Variants in ZNF611 observed in about 807,000 individuals in gnomAD.
ZNF611 encodes the protein zinc finger protein 611.
A neutral mutation model predicts 8.9 loss-of-function variants in ZNF611; 6 were observed. The observed-to-expected ratio is 0.68, with a 90% CI of 0.37 to 1.34. The LOEUF is 1.34. Ranked by LOEUF, ZNF611 falls within the 40% of genes most tolerant of loss-of-function variation. The probability of loss-of-function intolerance (pLI) is 0.02; values close to 1 mark genes in which losing one functional copy is unlikely to be tolerated. For missense variants in ZNF611, 874 were observed against 841.3 expected, an observed-to-expected ratio of 1.04 and a Z score of -0.48; for synonymous variants, 262 against 279.7, an observed-to-expected ratio of 0.94 and a Z score of 0.63.
rs185739010 is a variant in ZNF611, at chr19:52,729,921, A to G, written c.-137T>C. 1.3e-5 allele frequency: 2 copies of G among 152,296 alleles called. No individual in the cohort carries two copies. The highest frequency in any genetic ancestry group is 4.8e-5 in the African/African-American group (2 of 41,554). The allele number at this position is 152,296 out of a possible 1,614,324, so 9.4% of individuals were successfully genotyped here. On this transcript the variant is annotated 5_prime_UTR_variant, in exon 2 of 6. Transcript: ENST00000652185. The stretch of plus-strand genomic sequence containing the variant: ...ACTGACTAACCATGTCGGAGGGTGC[A>G]ATTATGATGTCACAGGTACAGCTGC...
At chr19:52,734,193 T>G (rs987377048) in intron 1 of ZNF611, among the ~76,000 whole-genome samples, 1 of 151,602 alleles carries the variant, frequency 6.6e-6, no homozygotes, top group East Asian at 1.9e-4. Context: ...TTAGGTTTTT[T>G]TTTTTTTTTT....
intron 3 of ZNF611, among the ~76,000 whole-genome samples, chr19:52,725,378 A>G (rs147872762): frequency 6.6e-6 from 1 of 152,134 alleles, no homozygotes; most frequent in Admixed American, 6.5e-5. Context: ...GCTCCAGGGG[A>G]GGCCGACGGG....
chr19:52,716,410 CCTCGA>C (rs2062317610), intron 3 of ZNF611, among the ~76,000 whole-genome samples: 2 of 152,190 alleles, frequency 1.3e-5, no homozygotes, highest in Admixed American at 1.3e-4. Flanking sequence ...TTGCAAAATG[CCTCGA>C]CTCTAACGTG....
chr19:52,714,696 AAAC>A lies in ZNF611; in HGVS notation c.64-558_64-556del, dbSNP rs1376839442. Reference sequence around the variant, plus strand: ...GACTGACACTCCATCTCAAAAAACAAAACAAAACAAAACAAAAAAACAATGCCG... The same window carrying A: ...GACTGACACTCCATCTCAAAAAACAAAAAACAAAACAAAAAAACAATGCCG... On this transcript the variant is annotated intron_variant, in intron 4 of 5. Coordinates refer to ENST00000652185, the MANE Select transcript of ZNF611 (RefSeq NM_001161499.2). Among the ~76,000 whole-genome samples the A allele has an allele frequency of 1.4e-4, 10 of 71,172 alleles. 3 individuals are homozygous for A. The East Asian group carries it at 3.6e-3, about 25-fold the overall frequency. The allele number at this position is 71,172 out of a possible 152,430, so 46.7% of individuals were successfully genotyped here. A position where few individuals can be genotyped will look rare whatever the true frequency, so the allele number is the denominator to read the frequency against.
intron 3 of ZNF611, among the ~76,000 whole-genome samples, chr19:52,718,311 G>A (rs1600320353): frequency 6.6e-6 from 1 of 152,116 alleles, no homozygotes; most frequent in Non-Finnish European, 1.5e-5. Flanking sequence ...CTGCACACCA[G>A]CCTGGGTGAC....
At chr19:52,712,800 T>C (rs948059752) in intron 5 of ZNF611, among the ~76,000 whole-genome samples, 13 of 152,282 alleles carry the variant, frequency 8.5e-5, no homozygotes, top group African/African-American at 2.6e-4. Flanking sequence ...TTATTTATTA[T>C]AGTAAAGAGA....
At chr19:52,725,602 T>G (rs943442235) in intron 3 of ZNF611, among the ~76,000 whole-genome samples, 6 of 152,158 alleles carry the variant, frequency 3.9e-5, no homozygotes, top group Non-Finnish European at 8.8e-5. Flanking sequence ...CGTCTCAATT[T>G]GCTCTGGGTG....
rs367817920 is a variant in ZNF611, at chr19:52,705,519, A to G, written c.1536T>C (p.Cys512=). The G allele has an allele frequency of 2.5e-6, 4 of 1,614,060 alleles. No individual in the cohort carries two copies. Among genetic ancestry groups the G allele is most frequent in the Admixed American group, 3.3e-5 (2 of 60,016 alleles). ...GACTGAAAACCTTTTCACATTCATC[A>G]CATTTGTAAGGTTGCTCCCCAGTAT... ...SIHTGEQPYK[C]DECEKVFSRK... is the part of the protein sequence containing the mutation. The change falls in exon 6 of 6, where the codon TGT becomes TGC. Residue 512 remains cysteine, a synonymous_variant. Coordinates refer to ENST00000652185, the MANE Select transcript of ZNF611 (RefSeq NM_001161499.2).
At chr19:52,725,853 A>G (rs1262414915) in intron 3 of ZNF611, among the ~76,000 whole-genome samples, 1 of 151,710 alleles carries the variant, frequency 6.6e-6, no homozygotes, top group African/African-American at 2.4e-5. Flanking sequence ...CGCGAGGCGG[A>G]GAGACCTTGC....
In ZNF611 at chr19:52,732,343, T is replaced by A. The variant is rs542415600; in HGVS notation, c.-221-2338A>T. ...AATAACTCACAGTATTGAGTTATTC[T>A]GAATAACTCACAGTATTGAGTTATT... is the stretch of plus-strand genomic sequence containing the variant. On this transcript the variant is annotated intron_variant, in intron 1 of 5. Transcript: ENST00000652185. Among the ~76,000 whole-genome samples, 315 of 117,348 alleles carry A rather than the reference T, an allele frequency of 2.7e-3. 2 individuals carry two copies. Among genetic ancestry groups the A allele is most frequent in the Middle Eastern group, 9.4e-3 (2 of 212 alleles). 77.0% of individuals were successfully genotyped at this position (117,348 alleles called of 152,430 possible). A position where few individuals can be genotyped will look rare whatever the true frequency, so the allele number is the denominator to read the frequency against.
At position 52,729,492 on chromosome 19, in the gene ZNF611, C is replaced by CAAAAAAAAAAAAAAAAA. The variant is rs397859789; in HGVS notation, c.-122+397_-122+413dup. On this transcript the variant is annotated intron_variant, in intron 2 of 5. Transcript: ENST00000652185. ...TGGGTGACAGAGCGAGACTCCATCT[C>CAAAAAAAAAAAAAAAAA]AAAAAAAAAAAAAAAAAAAAAAAAA... 2.8e-3 allele frequency among the ~76,000 whole-genome samples: 120 copies of CAAAAAAAAAAAAAAAAA among 42,364 alleles called. 2 individuals are homozygous for CAAAAAAAAAAAAAAAAA. Among genetic ancestry groups the CAAAAAAAAAAAAAAAAA allele is most frequent in the African/African-American group, 3.9e-3 (32 of 8,164 alleles). 27.8% of individuals were successfully genotyped at this position (42,364 alleles called of 152,430 possible).
intron 3 of ZNF611, among the ~76,000 whole-genome samples, chr19:52,722,369 C>T (rs1210319407): frequency 6.6e-6 from 1 of 151,882 alleles, no homozygotes; most frequent in Non-Finnish European, 1.5e-5. Flanking sequence ...GCAATAGGGC[C>T]AGACCCTGTC....
intron 5 of ZNF611, among the ~76,000 whole-genome samples, chr19:52,711,760 A>G (rs563503447): frequency 1.3e-5 from 2 of 152,236 alleles, no homozygotes; most frequent in African/African-American, 4.8e-5. Flanking sequence ...TCACTTACTC[A>G]GGGAGAGTAG....
At position 52,720,005 on chromosome 19, in the gene ZNF611, CA is replaced by C. The variant is rs374609572; in HGVS notation, c.-19-4093del. Among the ~76,000 whole-genome samples, 1,459 of 152,294 alleles carry C rather than the reference CA, an allele frequency of 9.6e-3. 18 individuals are homozygous for C. The highest frequency in any genetic ancestry group is 0.062 in the South Asian group (301 of 4,828). ...ATGCTGCCTTTAAGCATCTGTTTAA[CA>C]AAGCACATCTTGCACCGCCCTTAAT... On this transcript the variant is annotated intron_variant, in intron 3 of 5. Coordinates refer to ENST00000652185, the MANE Select transcript of ZNF611 (RefSeq NM_001161499.2).
intron 5 of ZNF611, chr19:52,708,818 C>G (rs1165437050): frequency 6.6e-6 from 1 of 152,038 alleles, no homozygotes; most frequent in Admixed American, 6.6e-5. Context: ...GCCTGGGTGA[C>G]AGGGCAAGAC....
intron 3 of ZNF611, among the ~76,000 whole-genome samples, chr19:52,717,889 C>T (rs56139480): frequency 0.059 from 8,964 of 152,160 alleles, 853 homozygotes; most frequent in African/African-American, 0.2. Context: ...TTATATATCA[C>T]GTAGTAGAAA....
At chr19:52,734,655 G>A (rs1378760427) in intron 1 of ZNF611, among the ~76,000 whole-genome samples, 4 of 152,242 alleles carry the variant, frequency 2.6e-5, no homozygotes, top group African/African-American at 9.6e-5. Flanking sequence ...CCGGGGCTGA[G>A]GAGGGGGAGG....
chr19:52,714,280 T>A, intron 4 of ZNF611, 139 bp from the exon 5 acceptor site: 1 of 1,474,310 alleles, frequency 6.8e-7, no homozygotes, highest in African/African-American at 1.4e-5. Context: ...TATTTTTGAA[T>A]ATTTTTTCCC....
intron 5 of ZNF611, among the ~76,000 whole-genome samples, chr19:52,707,925 C>G (rs755774085): frequency 6.6e-6 from 1 of 152,082 alleles, no homozygotes; most frequent in Non-Finnish European, 1.5e-5. Context: ...GCCACTGCAC[C>G]TGGTGGCACT....
Sources: gnomAD v4.1 joint callset for allele counts (sites outside exome capture counted in the v4.1 genomes callset) on GRCh38, gnomAD v4.1.1 for gene constraint, MANE v1.5 for transcripts, NCBI Gene and HGNC (gene_info 2026-07-23, HGNC 2026-07-21) for gene names.